The following PDGFRB variants were observed in gnomAD, a reference collection of about 807,000 sequenced individuals.
PDGFRB encodes platelet-derived growth factor receptor beta.
Under a neutral mutation model 120.2 loss-of-function variants are expected in PDGFRB, and 42 were observed. The observed-to-expected ratio is 0.35, with a 90% CI of 0.27 to 0.45. The LOEUF (loss-of-function observed/expected upper bound fraction) is 0.45, where lower values mean the gene tolerates loss of function less well. PDGFRB is among the 20% of genes least tolerant of loss of function. The pLI, the probability that PDGFRB is intolerant of heterozygous loss-of-function variation, is 1.00. For synonymous variants in PDGFRB, 586 were observed against 606.8 expected, an observed-to-expected ratio of 0.97 and a Z score of 0.50; for missense variants, 1,149 against 1,476.3, an observed-to-expected ratio of 0.78 and a Z score of 3.63.
chr5:150,138,271 G>A (rs1760692803), intron 1 of PDGFRB, among the ~76,000 whole-genome samples: 1 of 152,188 alleles, frequency 6.6e-6, no homozygotes. Flanking sequence ...TGCCTCTGAA[G>A]GCCATGCCCA....
chr5:150,152,184 T>C (rs1167432455), intron 1 of PDGFRB, among the ~76,000 whole-genome samples: 1 of 152,040 alleles, frequency 6.6e-6, no homozygotes, highest in East Asian at 1.9e-4. Context: ...TGGGATTACA[T>C]GTGTGAGCCA....
chr5:150,147,349 T>A (rs1580821116), intron 1 of PDGFRB, among the ~76,000 whole-genome samples: 1 of 151,972 alleles, frequency 6.6e-6, no homozygotes, highest in South Asian at 2.1e-4. Flanking sequence ...CTGAGAGGGG[T>A]CCCAGGCTGA....
chr5:150,117,052 C>T (rs913039738), intron 22 of PDGFRB, among the ~76,000 whole-genome samples: 5 of 152,220 alleles, frequency 3.3e-5, no homozygotes, highest in Admixed American at 2.0e-4. Context: ...GTCCACACAA[C>T]AGCAGGGTCC....
rs75932310 is a variant in PDGFRB at position 150,128,260 on chromosome 5, C to G, written c.1579+1497G>C. ...GCTGGTCTTCCACTCAGGCTGTCCA[C>G]ACTGTCTGCCCAGATACCCACTTGC... On this transcript the variant is annotated intron_variant, in intron 10 of 22. Transcript: ENST00000261799. Among the ~76,000 whole-genome samples the G allele has an allele frequency of 5.4e-3, 816 of 152,366 alleles. 5 individuals are homozygous for G. Among genetic ancestry groups the G allele is most frequent in the African/African-American group, 0.019 (795 of 41,588 alleles).
intron 1 of PDGFRB, among the ~76,000 whole-genome samples, chr5:150,143,729 G>A (rs1198513891): frequency 1.3e-5 from 2 of 152,150 alleles, no homozygotes; most frequent in Non-Finnish European, 2.9e-5. Flanking sequence ...CAGGATCGGA[G>A]GGTGAGGAGA....
At chr5:150,124,127 C>A in intron 14 of PDGFRB, 123 bp downstream of exon 14, 1 of 579,984 alleles carries the variant, frequency 1.7e-6, no homozygotes, top group Non-Finnish European at 3.0e-6. Context: ...GGCGCTGGAG[C>A]GGGTGGGCAC....
In PDGFRB at chr5:150,121,392, G is replaced by C. The variant is rs2113890382; in HGVS notation, c.2345-70C>G. The C allele has an allele frequency of 1.3e-6, 1 of 797,762 alleles. No homozygotes were observed. The highest frequency in any genetic ancestry group is 2.3e-6 in the Non-Finnish European group (1 of 435,492). 49.4% of individuals were successfully genotyped at this position (797,762 alleles called of 1,614,324 possible). A position where few individuals can be genotyped will look rare whatever the true frequency, so the allele number is the denominator to read the frequency against. ...TGGCCCACAGGACCCCTGCCCTTTG[G>C]CTCCTGGGAGACTGAATGTCCAAGA... On this transcript the variant is annotated intron_variant, in intron 16 of 22. Transcript: ENST00000261799. The surrounding 1 kb of genome is among the most constrained non-coding windows in gnomAD (Gnocchi z 4.1).
rs765584733 is a variant in PDGFRB, at chr5:150,115,903, C to T, written c.3181G>A (p.Asp1061Asn). The change falls in exon 23 of 23, where the codon GAC becomes AAC. Residue 1061 changes from aspartate to asparagine, a missense_variant. Coordinates refer to ENST00000261799, the MANE Select transcript of PDGFRB (RefSeq NM_002609.4). ...TCGTCCTGGGGCTCCAGGGGGCTGTCACAGGAGATGGTTGAGGAGGTGTTG... is the reference window on the plus strand; with the variant it reads ...TCGTCCTGGGGCTCCAGGGGGCTGTTACAGGAGATGGTTGAGGAGGTGTTG... ...EVNTSSTISC[D>N]SPLEPQDEPE... 4.1e-5 allele frequency: 66 copies of T among 1,601,784 alleles called. No homozygotes were observed. Among genetic ancestry groups the T allele is most frequent in the Non-Finnish European group, 5.2e-5 (61 of 1,173,216 alleles).
At chr5:150,130,222 C>A (rs1466695278) in intron 9 of PDGFRB, among the ~76,000 whole-genome samples, 2 of 152,188 alleles carry the variant, frequency 1.3e-5, no homozygotes, top group East Asian at 1.9e-4. Context: ...GAGGCAGAAC[C>A]TGCACTGAAT....
Position 150,124,317 on chromosome 5 carries a change from C to T in PDGFRB, c.1956G>A (p.Leu652=), listed in dbSNP as rs377739568. The T allele has an allele frequency of 6.2e-7, 1 of 1,614,078 alleles. No homozygotes were observed. The highest frequency in any genetic ancestry group is 8.5e-7 in the Non-Finnish European group (1 of 1,180,012). ...GGGGCCCAAGGTGACTCATGATCTT[C>T]AGCTCCGACATAAGGGCTTGCTTCT... ...SSEKQALMSE[L]KIMSHLGPHL... Residue 652 remains leucine, a synonymous_variant, in exon 14 of 23, where the codon CTG becomes CTA. Coordinates refer to ENST00000261799, the MANE Select transcript of PDGFRB (RefSeq NM_002609.4).
intron 3 of PDGFRB, 100 bp from the exon 4 acceptor site, chr5:150,135,116 C>T: frequency 1.5e-6 from 1 of 662,190 alleles, no homozygotes; most frequent in Non-Finnish European, 2.7e-6. Flanking sequence ...GGCCCTCTGT[C>T]TCCCCGTTAC....
rs976140134 is a variant in PDGFRB at position 150,132,156 on chromosome 5, C to T, written c.1128-62G>A. On this transcript the variant is annotated intron_variant, in intron 7 of 22. Transcript: ENST00000261799. The surrounding 1 kb of genome is among the most constrained non-coding windows in gnomAD (Gnocchi z 5.0). The stretch of plus-strand genomic sequence containing the variant: ...GACTCTTACAGTTCTCCCCACCCTC[C>T]TGGTATAAAGAGGAACAAGGCCCAG... 22 of 900,330 alleles carry T rather than the reference C, an allele frequency of 2.4e-5. No homozygotes were observed. The highest frequency in any genetic ancestry group is 1.2e-4 in the East Asian group (5 of 40,620). The allele number at this position is 900,330 out of a possible 1,614,324, so 55.8% of individuals were successfully genotyped here.
intron 1 of PDGFRB, among the ~76,000 whole-genome samples, chr5:150,142,927 A>T (rs1334390017): frequency 6.6e-6 from 1 of 152,128 alleles, no homozygotes; most frequent in East Asian, 1.9e-4. Context: ...GATAAGAGGA[A>T]GTGAGGTGAT....
At chr5:150,140,709 C>A (rs1760761158) in intron 1 of PDGFRB, among the ~76,000 whole-genome samples, 1 of 151,116 alleles carries the variant, frequency 6.6e-6, no homozygotes, top group African/African-American at 2.4e-5. Context: ...ACTGGGAACT[C>A]CAAGTCAAAA....
chr5:150,149,476 A>G (rs1761011985), intron 1 of PDGFRB, among the ~76,000 whole-genome samples: 1 of 152,124 alleles, frequency 6.6e-6, no homozygotes, highest in East Asian at 1.9e-4. Context: ...ACTAAAGGGG[A>G]GGCCATCTGT....
intron 15 of PDGFRB, 94 bp downstream of exon 15, chr5:150,122,948 A>G: frequency 1.7e-6 from 2 of 1,148,256 alleles, no homozygotes; most frequent in Non-Finnish European, 2.5e-6. Flanking sequence ...CTGCCCTGTC[A>G]CAGCCTCAGC....
intron 1 of PDGFRB, among the ~76,000 whole-genome samples, chr5:150,139,172 G>C (rs1426685717): frequency 2.0e-5 from 3 of 152,198 alleles, no homozygotes; most frequent in Admixed American, 6.6e-5. Flanking sequence ...GCCCAGAGAA[G>C]GACAGAAGCA....
Position 150,130,571 on chromosome 5 carries a change from G to A in PDGFRB, c.1335C>T (p.Asn445=), listed in dbSNP as rs759144903. The part of the protein sequence containing the change: ...RCRGRGMPQP[N]IIWSACRDLK... ...GGTCTCTGCAGGCAGACCAGATGAT[G>A]TTCGGCTGGGGCATGCCCCGGCCAC... Residue 445 remains asparagine (N), a synonymous_variant, in exon 9 of 23, where the codon AAC becomes AAT. Transcript: ENST00000261799. The A allele has an allele frequency of 6.2e-7, 1 of 1,612,922 alleles. No homozygotes were observed. Among genetic ancestry groups the A allele is most frequent in the Non-Finnish European group, 8.5e-7 (1 of 1,179,702 alleles).
chr5:150,125,678 G>T, intron 11 of PDGFRB, 101 bp from the exon 12 acceptor site: 2 of 1,100,022 alleles, frequency 1.8e-6, no homozygotes, highest in African/African-American at 1.5e-5. Context: ...AGACCCTGAG[G>T]CCCAGAGAGG....
Sources: allele counts gnomAD v4.1 joint callset (sites outside exome capture counted in the v4.1 genomes callset), GRCh38; gene constraint gnomAD v4.1.1; non-coding constraint Gnocchi (gnomAD v3.1); transcripts MANE v1.5; gene names NCBI Gene and HGNC (gene_info 2026-07-23, HGNC 2026-07-21).